Variants in KLHL32 observed in about 807,000 individuals in gnomAD.
KLHL32 encodes kelch-like protein 32.
In KLHL32, 35 loss-of-function variants were observed where a neutral mutation model predicts 64.8. The ratio of observed to expected loss-of-function variants is 0.54; its 90% confidence interval spans 0.41 to 0.72. The LOEUF (loss-of-function observed/expected upper bound fraction) is 0.72. KLHL32 is among the 30% of genes least tolerant of loss of function. The pLI, the probability that KLHL32 is intolerant of heterozygous loss-of-function variation, is 0.00. For missense variants in KLHL32, 589 were observed against 768.5 expected, an observed-to-expected ratio of 0.77 and a Z score of 2.76; for synonymous variants, 259 against 281.0, an observed-to-expected ratio of 0.92 and a Z score of 0.78.
chr6:97,077,393 A>T (rs1791768286), intron 5 of KLHL32, among the ~76,000 whole-genome samples: 1 of 148,014 alleles, frequency 6.8e-6, no homozygotes. Context: ...ATAATGTCTG[A>T]TTTTTTTTTT....
chr6:97,024,751 A>G (rs368672344), intron 3 of KLHL32, among the ~76,000 whole-genome samples: 3 of 152,172 alleles, frequency 2.0e-5, no homozygotes, highest in African/African-American at 7.2e-5. Context: ...ACTGATTCAC[A>G]TCTAGTAAAT....
intron 4 of KLHL32, among the ~76,000 whole-genome samples, chr6:97,047,063 A>G (rs1397630987): frequency 6.6e-6 from 1 of 152,216 alleles, no homozygotes; most frequent in Non-Finnish European, 1.5e-5. Flanking sequence ...GAATGCCTCT[A>G]AGTGTAACAA....
intron 6 of KLHL32, among the ~76,000 whole-genome samples, chr6:97,086,005 A>G (rs571969108): frequency 1.3e-3 from 191 of 152,284 alleles, no homozygotes; most frequent in African/African-American, 4.5e-3. Flanking sequence ...CCCAGTGACT[A>G]TTCCTTGAAA....
chr6:97,027,173 A>AAT (rs1782843830), intron 3 of KLHL32, among the ~76,000 whole-genome samples: 2 of 151,848 alleles, frequency 1.3e-5, no homozygotes, highest in Admixed American at 6.6e-5. Flanking sequence ...AAAAAAAAAA[A>AAT]AAAAGAAAAA....
At chr6:97,078,150 G>A (rs182418862) in intron 5 of KLHL32, among the ~76,000 whole-genome samples, 480 of 152,230 alleles carry the variant, frequency 3.2e-3, no homozygotes, top group Non-Finnish European at 3.8e-3. Flanking sequence ...TATGTAGAGT[G>A]GTTTCTCAGG....
chr6:97,041,648 A>T, intron 4 of KLHL32, 49 bp downstream of exon 4: 1 of 1,076,408 alleles, frequency 9.3e-7, no homozygotes, highest in South Asian at 1.3e-5. Context: ...AACTACATCT[A>T]ACCAAAGGAG....
intron 5 of KLHL32, among the ~76,000 whole-genome samples, chr6:97,074,249 T>C (rs548444534): frequency 6.6e-6 from 1 of 152,168 alleles, no homozygotes; most frequent in Admixed American, 6.5e-5. Context: ...TTTCAGGAGG[T>C]CTGGGGAGGG....
At chr6:96,964,996 C>T (rs1185283387) in intron 1 of KLHL32, among the ~76,000 whole-genome samples, 2 of 152,280 alleles carry the variant, frequency 1.3e-5, no homozygotes, top group East Asian at 3.9e-4. Flanking sequence ...AGCCCATGCC[C>T]CCAGTCCCCT....
chr6:97,105,370 GT>G (rs1179739064), intron 6 of KLHL32: 1 of 462,006 alleles, frequency 2.2e-6, no homozygotes, highest in Non-Finnish European at 4.5e-6. Context: ...ATGCCCTGCT[GT>G]TTGATGGAGG....
chr6:97,037,364 A>G (rs964028529), intron 3 of KLHL32, among the ~76,000 whole-genome samples: 3 of 151,864 alleles, frequency 2.0e-5, no homozygotes, highest in Non-Finnish European at 4.4e-5. Flanking sequence ...CATCTTATAC[A>G]TATTAATTTA....
chr6:97,111,032 G>GT (rs113636861), intron 6 of KLHL32, among the ~76,000 whole-genome samples: 22 of 145,614 alleles, frequency 1.5e-4, no homozygotes, highest in African/African-American at 4.8e-4. Flanking sequence ...AAAAGTCTTG[G>GT]GGGGGGGGGG....
intron 1 of KLHL32, among the ~76,000 whole-genome samples, chr6:96,943,069 A>G (rs1181052408): frequency 6.9e-6 from 1 of 144,502 alleles, no homozygotes; most frequent in Admixed American, 6.9e-5. Context: ...ACACACACAC[A>G]CTCTGTACAT....
intron 6 of KLHL32, among the ~76,000 whole-genome samples, chr6:97,102,068 CA>C (rs1795801448): frequency 6.6e-6 from 1 of 152,172 alleles, no homozygotes; most frequent in South Asian, 2.1e-4. Context: ...TAGGTATTAT[CA>C]TACTTGTTTT....
At chr6:96,983,760 T>C (rs1388929697) in intron 3 of KLHL32, among the ~76,000 whole-genome samples, 1 of 152,202 alleles carries the variant, frequency 6.6e-6, no homozygotes, top group Non-Finnish European at 1.5e-5. Flanking sequence ...GTCTATTTCA[T>C]TCTTCTTCTT....
At chr6:96,899,917 A>C in the KLHL32 span, among the ~76,000 whole-genome samples, 1 of 152,190 alleles carries the variant, frequency 6.6e-6, no homozygotes, top group Non-Finnish European at 1.5e-5. Context: ...TGAATATCTT[A>C]AGATACTAAT....
At chr6:96,937,053 TA>T (rs560384604) in intron 1 of KLHL32, among the ~76,000 whole-genome samples, 38 of 146,804 alleles carry the variant, frequency 2.6e-4, no homozygotes, top group East Asian at 5.9e-4. Flanking sequence ...TCTTATCGAT[TA>T]AAAAAAAAAA....
chr6:96,902,743 C>G, the KLHL32 span, among the ~76,000 whole-genome samples: 1 of 152,144 alleles, frequency 6.6e-6, no homozygotes, highest in African/African-American at 2.4e-5. Context: ...AGTCTGTAAT[C>G]CATCTTGAGT....
At chr6:96,967,592 T>C (rs1774608869) in intron 2 of KLHL32, among the ~76,000 whole-genome samples, 1 of 152,068 alleles carries the variant, frequency 6.6e-6, no homozygotes, top group Admixed American at 6.5e-5. Context: ...AACATTTCCT[T>C]TTAATAATTC....
intron 4 of KLHL32, among the ~76,000 whole-genome samples, chr6:97,044,153 G>T (rs1451121721): frequency 1.3e-5 from 2 of 151,894 alleles, no homozygotes; most frequent in Admixed American, 6.6e-5. Context: ...TTATTGTATT[G>T]ATATACATTC....
Sources: gnomAD v4.1 joint callset for allele counts (sites outside exome capture counted in the v4.1 genomes callset) on GRCh38, gnomAD v4.1.1 for gene constraint, MANE v1.5 for transcripts, NCBI Gene and HGNC (gene_info 2026-07-23, HGNC 2026-07-21) for gene names.